OSBPL11: variants seen among roughly 807,000 people sequenced by gnomAD.
The protein encoded by OSBPL11 is oxysterol-binding protein-related protein 11.
OSBPL11 carries 33 observed loss-of-function variants against 84.4 expected under a neutral mutation model. The observed-to-expected ratio is 0.39, with a 90% confidence interval of 0.30 to 0.52. The LOEUF is 0.52. Ranked by LOEUF, OSBPL11 falls within the 20% of genes least tolerant of loss-of-function variation. The probability of loss-of-function intolerance (pLI) is 0.72; values close to 1 mark genes in which losing one functional copy is unlikely to be tolerated. For synonymous variants in OSBPL11, 276 were observed against 310.2 expected, an observed-to-expected ratio of 0.89 and a Z score of 1.16; for missense variants, 736 against 901.1, an observed-to-expected ratio of 0.82 and a Z score of 2.35.
chr3:125,556,972 A>G (rs1451441309), intron 8 of OSBPL11, among the ~76,000 whole-genome samples: 3 of 152,234 alleles, frequency 2.0e-5, no homozygotes, highest in Non-Finnish European at 2.9e-5. Flanking sequence ...TATGTATACC[A>G]TTCAGTCTTC....
intron 6 of OSBPL11, among the ~76,000 whole-genome samples, chr3:125,564,856 T>C (rs1235749206): frequency 2.0e-5 from 3 of 152,130 alleles, no homozygotes; most frequent in Admixed American, 1.3e-4. Flanking sequence ...AGTTTCACCA[T>C]GTTGGCCAGG....
intron 11 of OSBPL11, among the ~76,000 whole-genome samples, chr3:125,534,350 T>C (rs892662519): frequency 1.3e-5 from 2 of 150,808 alleles, no homozygotes; most frequent in African/African-American, 4.9e-5. Flanking sequence ...ATCACTGCAC[T>C]CCAGCCTGGG....
intron 2 of OSBPL11, among the ~76,000 whole-genome samples, chr3:125,580,653 G>C (rs143378290): frequency 6.6e-6 from 1 of 151,944 alleles, no homozygotes; most frequent in East Asian, 1.9e-4. Context: ...TATCCTTTCA[G>C]AGACAGATTT....
intron 10 of OSBPL11, among the ~76,000 whole-genome samples, chr3:125,539,300 CATATATAT>C (rs10678056): frequency 0.12 from 7,999 of 67,404 alleles, 424 homozygotes; most frequent in East Asian, 0.16. Context: ...TCACCACAGC[CATATATAT>C]ATATATATAT....
Position 125,528,973 on chromosome 3 carries a change from ATTG to A in OSBPL11, c.*1539_*1541del, listed in dbSNP as rs1389939155. 1 of 152,688 alleles carries A rather than the reference ATTG, an allele frequency of 6.5e-6. No homozygotes were observed. The highest frequency in any genetic ancestry group is 6.5e-5 in the Admixed American group (1 of 15,282). The allele number at this position is 152,688 out of a possible 1,614,324, so 9.5% of individuals were successfully genotyped here. On this transcript the variant is annotated 3_prime_UTR_variant, in exon 13 of 13. Coordinates refer to ENST00000296220, the MANE Select transcript of OSBPL11 (RefSeq NM_022776.5). The stretch of plus-strand genomic sequence containing the variant: ...AAAAATGAACAAGGGAATCATTAAA[ATTG>A]TTGTACACAAACCAACTCTTTTTCT...
chr3:125,559,349 G>T (rs1443413445), intron 8 of OSBPL11, among the ~76,000 whole-genome samples: 1 of 152,130 alleles, frequency 6.6e-6, no homozygotes, highest in African/African-American at 2.4e-5. Context: ...AAGACAATTG[G>T]TATTACTTGC....
chr3:125,568,392 C>T (rs916001105), intron 5 of OSBPL11, among the ~76,000 whole-genome samples: 1 of 149,718 alleles, frequency 6.7e-6, no homozygotes, highest in African/African-American at 2.5e-5. Flanking sequence ...GATCGCGCCA[C>T]TGCATTCCAG....
At position 125,560,488 on chromosome 3, in the gene OSBPL11, A is replaced by G. The variant is rs1460682903; in HGVS notation, c.1046T>C (p.Ile349Thr). 1.9e-6 allele frequency: 3 copies of G among 1,590,780 alleles called. No homozygotes were observed. Among genetic ancestry groups the G allele is most frequent in the Non-Finnish European group, 2.6e-6 (3 of 1,167,370 alleles). ...CTCTTTGTGGTCACATGTATCCTCTATCTCATCATCTGCATTTATTTCTTC... is the reference window on the plus strand; with the variant it reads ...CTCTTTGTGGTCACATGTATCCTCTGTCTCATCATCTGCATTTATTTCTTC... Reference protein sequence around the residue: ...EPEEINADDEIEDTCDHKEDD... With the variant: ...EPEEINADDETEDTCDHKEDD... The change falls in exon 8 of 13, where the codon ATA becomes ACA. Residue 349 changes from isoleucine (I) to threonine (T), a missense_variant. Coordinates refer to ENST00000296220, the MANE Select transcript of OSBPL11 (RefSeq NM_022776.5).
intron 7 of OSBPL11, 122 bp from the exon 8 acceptor site, chr3:125,560,641 G>A: frequency 3.5e-6 from 3 of 848,126 alleles, no homozygotes; most frequent in South Asian, 4.2e-5. Flanking sequence ...CTGAGTATGG[G>A]CAAAAATCTT....
At chr3:125,548,087 C>T (rs928007256) in intron 9 of OSBPL11, among the ~76,000 whole-genome samples, 3 of 152,236 alleles carry the variant, frequency 2.0e-5, no homozygotes, top group Admixed American at 2.0e-4. Context: ...CCATGTTGGC[C>T]AGGCTGGTCT....
chr3:125,595,010 G>C lies in OSBPL11; in HGVS notation c.-210C>G. ...TTTGAGAGGGCAGGGGAAGCAACGA[G>C]GACAGATATCCTTCACATGTATCTC... On this transcript the variant is annotated 5_prime_UTR_variant, in exon 1 of 13. Coordinates refer to ENST00000296220, the MANE Select transcript of OSBPL11 (RefSeq NM_022776.5). The C allele has an allele frequency of 3.7e-6, 2 of 539,732 alleles. No homozygotes were observed. Among genetic ancestry groups the C allele is most frequent in the South Asian group, 5.2e-5 (2 of 38,158 alleles). 33.4% of individuals were successfully genotyped at this position (539,732 alleles called of 1,614,324 possible).
At chr3:125,546,688 T>G (rs1288091938) in intron 10 of OSBPL11, among the ~76,000 whole-genome samples, 1 of 151,934 alleles carries the variant, frequency 6.6e-6, no homozygotes, top group African/African-American at 2.4e-5. Flanking sequence ...GCCAGGAGTT[T>G]GAGACCAGCC....
chr3:125,588,965 T>TC (rs1283338955), intron 1 of OSBPL11, among the ~76,000 whole-genome samples: 15 of 151,856 alleles, frequency 9.9e-5, no homozygotes, highest in African/African-American at 3.6e-4. Flanking sequence ...AAGAGAGGGG[T>TC]CCTCCCTCCT....
intron 11 of OSBPL11, among the ~76,000 whole-genome samples, 165 bp from the exon 12 acceptor site, chr3:125,532,179 G>A (rs543264718): frequency 1.3e-5 from 2 of 152,208 alleles, no homozygotes; most frequent in East Asian, 3.9e-4. Flanking sequence ...TGCTGCTGAT[G>A]GTTATGTCCA....
At chr3:125,540,280 G>A (rs1935709480) in intron 10 of OSBPL11, among the ~76,000 whole-genome samples, 1 of 132,184 alleles carries the variant, frequency 7.6e-6, no homozygotes, top group South Asian at 2.4e-4. Context: ...AGTGAGCCAA[G>A]ATTGCACTAT....
chr3:125,576,706 C>CTT (rs1936330492), intron 4 of OSBPL11, among the ~76,000 whole-genome samples: 2 of 148,428 alleles, frequency 1.3e-5, no homozygotes, highest in African/African-American at 2.5e-5. Context: ...CTTTTTGAGA[C>CTT]TGAGTCTCAC....
rs771091842 is a variant in OSBPL11 at position 125,594,728 on chromosome 3, C to T, written c.73G>A (p.Ala25Thr). 1.1e-5 allele frequency: 17 copies of T among 1,614,210 alleles called. No individual in the cohort carries two copies. In the South Asian group the frequency reaches 1.6e-4, roughly 16 times the overall value. ...SEGKLEGQAT[A>T]VTPNKNSSCG... ...CTGCTGTTCTTGTTCGGGGTCACCG[C>T]TGTGGCCTGGCCCTCCAGCTTTCCT... Residue 25 changes from alanine (A) to threonine (T), a missense_variant, in exon 1 of 13, where the codon GCG (alanine) becomes ACG (threonine). By Grantham distance (58) the Ala-to-Thr change is moderately conservative. Around this residue, in one of 3 missense-constraint regions of OSBPL11, gnomAD observed 114 missense variants for 104.9 expected, o/e 1.09. Transcript: ENST00000296220.
At chr3:125,569,640 C>A (rs1179487707) in intron 5 of OSBPL11, among the ~76,000 whole-genome samples, 1 of 152,106 alleles carries the variant, frequency 6.6e-6, no homozygotes, top group Non-Finnish European at 1.5e-5. Flanking sequence ...AGCTACCTAA[C>A]CAAGAGATAT....
intron 10 of OSBPL11, among the ~76,000 whole-genome samples, chr3:125,540,189 C>T (rs934521272): frequency 4.0e-5 from 6 of 151,654 alleles, no homozygotes; most frequent in African/African-American, 9.7e-5. Flanking sequence ...ATTAGCTGGG[C>T]GTAGTGGCAC....
Sources: allele counts gnomAD v4.1 joint callset (sites outside exome capture counted in the v4.1 genomes callset), GRCh38; gene constraint gnomAD v4.1.1; regional missense constraint gnomAD v4.1.1; transcripts MANE v1.5; gene names NCBI Gene and HGNC (gene_info 2026-07-23, HGNC 2026-07-21).